Variants in ICA1 observed in about 807,000 individuals in gnomAD.
ICA1 encodes the protein 69 kDa islet cell autoantigen.
Under a neutral mutation model 71.0 loss-of-function variants are expected in ICA1, and 40 were observed. The ratio of observed to expected loss-of-function variants is 0.56; its 90% CI spans 0.44 to 0.73. The LOEUF (loss-of-function observed/expected upper bound fraction) is 0.73. Among genes scored for constraint, ICA1 ranks in the 30% least tolerant of loss-of-function variants. The pLI is 0.00. For missense variants in ICA1, 578 were observed against 576.5 expected (o/e 1.00, Z -0.03); for synonymous variants, 207 against 209.5 (o/e 0.99, Z 0.10).
chr7:8,117,755 T>G (rs58097814), intron 13 of ICA1, among the ~76,000 whole-genome samples: 2 of 152,156 alleles, frequency 1.3e-5, no homozygotes, highest in Non-Finnish European at 2.9e-5. Context: ...AGAGAGATCA[T>G]GTTTGGAAGG....
At chr7:8,126,465 A>C (rs1789230954) in intron 13 of ICA1, among the ~76,000 whole-genome samples, 1 of 152,140 alleles carries the variant, frequency 6.6e-6, no homozygotes, top group South Asian at 2.1e-4. Flanking sequence ...CTCTACCTCC[A>C]TTACTGCAAA....
chr7:8,196,954 T>C (rs1787800622), intron 6 of ICA1, among the ~76,000 whole-genome samples: 1 of 152,130 alleles, frequency 6.6e-6, no homozygotes, highest in South Asian at 2.1e-4. Flanking sequence ...TTGCTCCTCA[T>C]TCACCTTCCG....
intron 9 of ICA1, 148 bp downstream of exon 9, chr7:8,143,727 G>T (rs540261803): frequency 3.3e-6 from 2 of 600,446 alleles, no homozygotes; most frequent in East Asian, 5.6e-5. Flanking sequence ...CGTTAAAGGG[G>T]TTTGGCTGGG....
At chr7:8,252,143 AT>A (rs556951350) in intron 1 of ICA1, among the ~76,000 whole-genome samples, 16 of 152,216 alleles carry the variant, frequency 1.1e-4, no homozygotes, top group Admixed American at 7.2e-4. Context: ...CTTTGATTTT[AT>A]TTAGTTTGGT....
chr7:8,159,275 C>CT (rs1802823174), intron 6 of ICA1, among the ~76,000 whole-genome samples: 1 of 152,200 alleles, frequency 6.6e-6, no homozygotes, highest in Non-Finnish European at 1.5e-5. Flanking sequence ...GTAACGTGTA[C>CT]TAGTAATCCT....
intron 4 of ICA1, chr7:8,227,895 G>A: frequency 2.3e-6 from 1 of 444,040 alleles, no homozygotes; most frequent in Non-Finnish European, 4.6e-6. Context: ...CTACCAAAAT[G>A]ATTGTCTTAA....
intron 6 of ICA1, among the ~76,000 whole-genome samples, chr7:8,162,485 G>A (rs1804231912): frequency 6.6e-6 from 1 of 152,158 alleles, no homozygotes; most frequent in Admixed American, 6.5e-5. Flanking sequence ...TTTCCAGCCT[G>A]AAGCCTGAGG....
intron 1 of ICA1, among the ~76,000 whole-genome samples, chr7:8,240,516 C>T (rs997522962): frequency 7.2e-5 from 11 of 152,172 alleles, no homozygotes; most frequent in South Asian, 2.1e-4. Flanking sequence ...TCCAAAGGAT[C>T]GCAGCCCCTT....
chr7:8,196,003 C>T (rs1787419603), intron 6 of ICA1, among the ~76,000 whole-genome samples: 1 of 51,204 alleles, frequency 2.0e-5, no homozygotes, highest in Non-Finnish European at 9.1e-5. Context: ...ACAACAACAC[C>T]AACACCAACA....
chr7:8,176,597 G>A (rs1780708781), intron 6 of ICA1, among the ~76,000 whole-genome samples: 1 of 152,204 alleles, frequency 6.6e-6, no homozygotes, highest in African/African-American at 2.4e-5. Context: ...GCACAACAAT[G>A]AGTAAATGAA....
At chr7:8,239,013 T>C (rs1802804294) in intron 1 of ICA1, among the ~76,000 whole-genome samples, 2 of 152,186 alleles carry the variant, frequency 1.3e-5, no homozygotes, top group Admixed American at 1.3e-4. Flanking sequence ...GAAAATATTT[T>C]TGGAAATTGG....
intron 6 of ICA1, among the ~76,000 whole-genome samples, chr7:8,207,450 GT>G (rs1486409159): frequency 1.3e-5 from 2 of 152,310 alleles, no homozygotes; most frequent in Non-Finnish European, 1.5e-5. Context: ...ATTATTAGGA[GT>G]GGGATAGCTG....
chr7:8,250,939 TGCCCAG>T (rs1807951303), intron 1 of ICA1, among the ~76,000 whole-genome samples: 1 of 150,144 alleles, frequency 6.7e-6, no homozygotes, highest in African/African-American at 2.5e-5. Context: ...CTTGCTCAGT[TGCCCAG>T]GCTGGAGTGC....
intron 8 of ICA1, among the ~76,000 whole-genome samples, chr7:8,155,463 G>T (rs983894671): frequency 3.3e-5 from 5 of 152,150 alleles, no homozygotes; most frequent in African/African-American, 4.8e-5. Flanking sequence ...TACACATGTG[G>T]GTTCTTCCAT....
chr7:8,159,258 CTACTGAGTAACGTG>C, intron 6 of ICA1, among the ~76,000 whole-genome samples: 1 of 152,332 alleles, frequency 6.6e-6, no homozygotes, highest in Middle Eastern at 3.4e-3. Flanking sequence ...AAACTTTTTA[CTACTGAGTAACGTG>C]TACTAGTAAT....
chr7:8,243,042 G>C (rs1436257091), intron 1 of ICA1, among the ~76,000 whole-genome samples: 6 of 152,166 alleles, frequency 3.9e-5, no homozygotes, highest in East Asian at 3.8e-4. Flanking sequence ...TAGAAAAAGA[G>C]GGAATCCTCC....
At chr7:8,227,148 ATAG>A (rs894928849) in intron 4 of ICA1, among the ~76,000 whole-genome samples, 1 of 152,214 alleles carries the variant, frequency 6.6e-6, no homozygotes, top group African/African-American at 2.4e-5. Flanking sequence ...GATGGTGGGT[ATAG>A]TAAGAAGGAG....
intron 6 of ICA1, among the ~76,000 whole-genome samples, chr7:8,168,181 C>T (rs531923782): frequency 1.3e-4 from 20 of 152,154 alleles, no homozygotes; most frequent in South Asian, 6.2e-4. Flanking sequence ...TTGTGGAATC[C>T]GGATAGCACA....
intron 6 of ICA1, among the ~76,000 whole-genome samples, chr7:8,187,598 G>A (rs1784300622): frequency 6.6e-6 from 1 of 152,008 alleles, no homozygotes; most frequent in South Asian, 2.1e-4. Context: ...ATTAACCTTA[G>A]CTTACTGTAA....
Sources: gnomAD v4.1 joint callset for allele counts (sites outside exome capture counted in the v4.1 genomes callset) on GRCh38, gnomAD v4.1.1 for gene constraint, MANE v1.5 for transcripts, NCBI Gene and HGNC (gene_info 2026-07-23, HGNC 2026-07-21) for gene names.